Variants in ABCC1 observed in about 807,000 individuals in gnomAD.
The protein encoded by ABCC1 is multidrug resistance-associated protein 1.
ABCC1 carries 83 observed loss-of-function variants against 172.9 expected under a neutral mutation model. The ratio of observed to expected loss-of-function variants is 0.48; its 90% CI spans 0.40 to 0.58. The LOEUF (loss-of-function observed/expected upper bound fraction) is 0.58, where lower values mean the gene tolerates loss of function less well. ABCC1 is among the 20% of genes least tolerant of loss of function. ABCC1 has a pLI of 0.00. For synonymous variants in ABCC1, 937 were observed against 825.2 expected, an observed-to-expected ratio of 1.14 and a Z score of -2.32; for missense variants, 1,817 against 2,002.7, an observed-to-expected ratio of 0.91 and a Z score of 1.77.
intron 26 of ABCC1, among the ~76,000 whole-genome samples, chr16:16,127,751 C>T (rs888517079): frequency 6.6e-6 from 1 of 152,102 alleles, no homozygotes; most frequent in Non-Finnish European, 1.5e-5. Context: ...ACAGAGGTGA[C>T]CTCGGCCCAC....
At chr16:15,958,245 A>G (rs2046045924) in intron 1 of ABCC1, among the ~76,000 whole-genome samples, 1 of 152,104 alleles carries the variant, frequency 6.6e-6, no homozygotes, top group African/African-American at 2.4e-5. Context: ...AGCTGGGATT[A>G]CAGGCCCGCA....
intron 3 of ABCC1, among the ~76,000 whole-genome samples, chr16:16,012,455 C>T (rs1597115434): frequency 6.7e-6 from 1 of 148,848 alleles, no homozygotes; most frequent in East Asian, 2.0e-4. Context: ...GTCTTGGGCT[C>T]TGTGTTCTGG....
intron 5 of ABCC1, among the ~76,000 whole-genome samples, chr16:16,026,464 C>CTTTTTTTTTT (rs1491397616): frequency 0.012 from 1,215 of 102,016 alleles, 46 homozygotes; most frequent in Non-Finnish European, 0.018. Flanking sequence ...AAGGCTATTT[C>CTTTTTTTTTT]CTTTTTTTTT....
chr16:16,001,537 A>G (rs2047309489), intron 1 of ABCC1, among the ~76,000 whole-genome samples: 1 of 152,124 alleles, frequency 6.6e-6, no homozygotes, highest in African/African-American at 2.4e-5. Context: ...AGCCATGGGA[A>G]GTTGTTTCCC....
chr16:15,953,082 T>G (rs1355345391), intron 1 of ABCC1, among the ~76,000 whole-genome samples: 1 of 151,886 alleles, frequency 6.6e-6, no homozygotes, highest in Admixed American at 6.6e-5. Context: ...ATGCCTGTAA[T>G]CCCAGCACTT....
At chr16:15,986,725 A>G (rs1484151138) in intron 1 of ABCC1, among the ~76,000 whole-genome samples, 1 of 152,166 alleles carries the variant, frequency 6.6e-6, no homozygotes, top group Non-Finnish European at 1.5e-5. Context: ...CCCTTTTGCC[A>G]TGAAAGGTAA....
chr16:16,131,879 G>C lies in ABCC1; in HGVS notation c.3910G>C (p.Glu1304Gln), dbSNP rs768270195. 42 of 1,614,102 alleles carry C rather than the reference G, an allele frequency of 2.6e-5. No homozygotes were observed. The highest frequency in any genetic ancestry group is 3.4e-5 in the Non-Finnish European group (40 of 1,180,048). ...EFRNYCLRYR[E>Q]DLDFVLRHIN... ...CCGGAACTACTGCCTGCGCTACCGA[G>C]AGGACCTGGACTTCGTTCTCAGGCA... The change falls in exon 27 of 31, where the codon GAG (glutamate) becomes CAG (glutamine). Residue 1304 changes from glutamate to glutamine, a missense_variant. By Grantham distance (29) the Glu-to-Gln change is conservative. This residue lies in a region of ABCC1 where 1,412 missense variants were observed against 1,600.3 expected (regional missense o/e 0.88). Coordinates refer to ENST00000399410, the MANE Select transcript of ABCC1 (RefSeq NM_004996.4).
chr16:16,036,637 C>G, intron 7 of ABCC1, 34 bp downstream of exon 7: 1 of 1,607,580 alleles, frequency 6.2e-7, no homozygotes. Context: ...CCAGGATGCC[C>G]TGGTCACCTC....
At chr16:16,028,100 G>A (rs1171620053) in intron 5 of ABCC1, among the ~76,000 whole-genome samples, 5 of 151,980 alleles carry the variant, frequency 3.3e-5, no homozygotes, top group South Asian at 2.1e-4. Flanking sequence ...CACCCCTGCC[G>A]CCTTCCTTTT....
At chr16:16,057,314 G>A (rs1252313325) in intron 12 of ABCC1, among the ~76,000 whole-genome samples, 5 of 149,692 alleles carry the variant, frequency 3.3e-5, no homozygotes, top group Non-Finnish European at 5.9e-5. Context: ...AGCCGAGATC[G>A]AGCCACGGCA....
At chr16:16,120,105 G>A (rs6416666) in intron 23 of ABCC1, among the ~76,000 whole-genome samples, 134,969 of 152,050 alleles carry the variant, frequency 0.89, 60,538 homozygotes, top group Middle Eastern at 0.96. Context: ...CGCCACCCAG[G>A]AAGAAGCTGC....
intron 18 of ABCC1, 90 bp from the exon 19 acceptor site, chr16:16,090,315 C>T (rs925951234): frequency 5.2e-5 from 71 of 1,364,092 alleles, no homozygotes; most frequent in Non-Finnish European, 6.2e-5. Flanking sequence ...AGGTGTTCGT[C>T]GGCTCATTCC....
intron 20 of ABCC1, 139 bp downstream of exon 20, chr16:16,102,856 G>A (rs2051832147): frequency 6.3e-6 from 5 of 789,774 alleles, no homozygotes; most frequent in Non-Finnish European, 1.0e-5. Flanking sequence ...ATCCTCCAAG[G>A]ACCTTGCTTT....
At chr16:16,062,433 A>G (rs546795700) in intron 12 of ABCC1, among the ~76,000 whole-genome samples, 1 of 152,192 alleles carries the variant, frequency 6.6e-6, no homozygotes, top group South Asian at 2.1e-4. Flanking sequence ...TGCAACCTCC[A>G]ACTCCTGAGC....
At position 15,949,659 on chromosome 16, in the gene ABCC1, G is replaced by T. The variant is rs1318534851; in HGVS notation, c.-93G>T. The T allele has an allele frequency of 8.4e-6, 7 of 829,270 alleles. No individual in the cohort carries two copies. Among genetic ancestry groups the T allele is most frequent in the South Asian group, 1.0e-4 (2 of 19,554 alleles). 51.4% of individuals were successfully genotyped at this position (829,270 alleles called of 1,614,324 possible). On this transcript the variant is annotated 5_prime_UTR_variant, in exon 1 of 31. Transcript: ENST00000399410. ...AGCGCTAGCGCCAGCAGCCGGGCCCGATCACCCGCCGCCCGGTGCCCGCCG... is the reference window on the plus strand; with the variant it reads ...AGCGCTAGCGCCAGCAGCCGGGCCCTATCACCCGCCGCCCGGTGCCCGCCG...
chr16:16,082,932 G>A (rs2050861670), intron 16 of ABCC1, among the ~76,000 whole-genome samples: 1 of 152,174 alleles, frequency 6.6e-6, no homozygotes, highest in Non-Finnish European at 1.5e-5. Context: ...ACAGGCATGA[G>A]CCACTGCGCC....
intron 19 of ABCC1, among the ~76,000 whole-genome samples, chr16:16,096,969 C>T (rs2051508100): frequency 6.6e-6 from 1 of 152,096 alleles, no homozygotes; most frequent in African/African-American, 2.4e-5. Context: ...CCACCCTGGC[C>T]CCCAGCCTTC....
At chr16:15,982,782 G>A (rs2046652239) in intron 1 of ABCC1, among the ~76,000 whole-genome samples, 1 of 115,466 alleles carries the variant, frequency 8.7e-6, no homozygotes, top group Non-Finnish European at 1.7e-5. Context: ...CTCCAGTCTG[G>A]GCAACAGAGT....
At chr16:16,138,618 C>CTCATTAAT (rs1427882776) in intron 30 of ABCC1, 60 bp downstream of exon 30, 12 of 1,359,650 alleles carry the variant, frequency 8.8e-6, no homozygotes, top group Non-Finnish European at 1.2e-5. Context: ...CACTGGCTCA[C>CTCATTAAT]TCATTAATTC....
Sources: gnomAD v4.1 joint callset for allele counts (sites outside exome capture counted in the v4.1 genomes callset) on GRCh38, gnomAD v4.1.1 for gene constraint, gnomAD v4.1.1 regional missense constraint, MANE v1.5 for transcripts, NCBI Gene and HGNC (gene_info 2026-07-23, HGNC 2026-07-21) for gene names.